NRDE2: variants seen among roughly 807,000 people sequenced by gnomAD.
The protein encoded by NRDE2 is nuclear exosome regulator NRDE2.
NRDE2 carries 76 observed loss-of-function variants against 124.2 expected under a neutral mutation model. The ratio of observed to expected loss-of-function variants is 0.61; its 90% confidence interval spans 0.51 to 0.74. The LOEUF is 0.74. NRDE2 is among the 30% of genes least tolerant of loss of function. NRDE2 has a pLI of 0.00. For synonymous variants in NRDE2, 489 were observed against 528.1 expected, an observed-to-expected ratio of 0.93 and a Z score of 1.01; for missense variants, 1,314 against 1,417.3, an observed-to-expected ratio of 0.93 and a Z score of 1.17.
Position 90,302,999 on chromosome 14 carries a change from G to T in NRDE2, c.1132C>A (p.Gln378Lys). The T allele has an allele frequency of 6.2e-7, 1 of 1,614,016 alleles. No individual in the cohort carries two copies. The highest frequency in any genetic ancestry group is 8.5e-7 in the Non-Finnish European group (1 of 1,180,042). The change falls in exon 6 of 14, where the codon CAG (glutamine) becomes AAG (lysine). Residue 378 changes from glutamine to lysine, a missense_variant. Physicochemically the swap from Gln to Lys is moderately conservative, Grantham distance 53 (BLOSUM62 1). Transcript: ENST00000354366. Reference protein sequence around the residue: ...AILERAIESNQSSVDLKLAKL... With the variant: ...AILERAIESNKSSVDLKLAKL... ...GCCAGTTTCAGATCCACACTGCTCT[G>T]GTTGCTCTCAATGGCCCGCTCCAGA...
chr14:90,272,082 T>G lies in NRDE2; in HGVS notation c.*6254A>C. 2.3e-6 allele frequency: 1 copy of G among 438,022 alleles called. No individual in the cohort carries two copies. The highest frequency in any genetic ancestry group is 4.2e-6 in the Non-Finnish European group (1 of 239,190). The allele number at this position is 438,022 out of a possible 1,614,324, so 27.1% of individuals were successfully genotyped here. A position where few individuals can be genotyped will look rare whatever the true frequency, so the allele number is the denominator to read the frequency against. ...TAACTTTTTGTATTTTTAGTAGAGA[T>G]GGGGTTTCACCGTGTTGGCCAGGCT... On this transcript the variant is annotated 3_prime_UTR_variant, in exon 14 of 14. Coordinates refer to ENST00000354366, the MANE Select transcript of NRDE2 (RefSeq NM_017970.4). This position sits in a 1 kb window ranked among gnomAD's most constrained non-coding sequence, Gnocchi z 4.5.
intron 11 of NRDE2, among the ~76,000 whole-genome samples, chr14:90,287,377 G>C (rs1343523511): frequency 1.3e-5 from 2 of 152,098 alleles, no homozygotes; most frequent in African/African-American, 4.8e-5. Flanking sequence ...CAGCACTTTG[G>C]AAGGCTGAGA....
Position 90,304,259 on chromosome 14 carries a change from C to T in NRDE2, c.681G>A (p.Lys227=). ...CATCGATGTTCATTAATCCCACACTCTTCTTAGTAAAATAGCGTTCAACCT... is the reference window on the plus strand; with the variant it reads ...CATCGATGTTCATTAATCCCACACTTTTCTTAGTAAAATAGCGTTCAACCT... The part of the protein sequence containing the change: ...RKQVERYFTK[K]SVGLMNIDGV... Residue 227 remains lysine, a synonymous_variant, in exon 5 of 14, where the codon AAG becomes AAA. Transcript: ENST00000354366. 6.2e-7 allele frequency: 1 copy of T among 1,614,174 alleles called. No individual in the cohort carries two copies. Among genetic ancestry groups the T allele is most frequent in the South Asian group, 1.1e-5 (1 of 91,078 alleles).
At chr14:90,279,409 T>G (rs747907986) in intron 12 of NRDE2, 9 of 364,418 alleles carry the variant, frequency 2.5e-5, no homozygotes, top group Non-Finnish European at 4.0e-5. Flanking sequence ...ATCTCCTCCT[T>G]TGCTGTAGGC....
chr14:90,268,169 G>C lies in NRDE2; in HGVS notation c.*10167C>G. 7.0e-7 allele frequency: 1 copy of C among 1,427,924 alleles called. No individual in the cohort carries two copies. Among genetic ancestry groups the C allele is most frequent in the Non-Finnish European group, 9.3e-7 (1 of 1,076,106 alleles). 88.5% of individuals were successfully genotyped at this position (1,427,924 alleles called of 1,614,324 possible). A position where few individuals can be genotyped will look rare whatever the true frequency, so the allele number is the denominator to read the frequency against. On this transcript the variant is annotated 3_prime_UTR_variant, in exon 14 of 14. Transcript: ENST00000354366. ...AGGTGGTAATGATACGAGTTTTTAA[G>C]TTAAAATGGCACTTAAGGTGTCTTT...
At chr14:90,280,145 T>TA (rs1031609059) in intron 12 of NRDE2, 3 of 152,230 alleles carry the variant, frequency 2.0e-5, no homozygotes, top group Admixed American at 2.0e-4. Flanking sequence ...TTTCACTGTC[T>TA]ATGTTGCCCA....
chr14:90,331,514 T>C (rs191719076), intron 1 of NRDE2, among the ~76,000 whole-genome samples: 1 of 152,340 alleles, frequency 6.6e-6, no homozygotes, highest in East Asian at 1.9e-4. Flanking sequence ...CCTCGAGATG[T>C]CGAGTATCAT....
chr14:90,296,079 TTTA>T (rs1327806488), intron 8 of NRDE2, among the ~76,000 whole-genome samples: 5 of 152,222 alleles, frequency 3.3e-5, no homozygotes, highest in African/African-American at 7.2e-5. Flanking sequence ...CTATGAAAAC[TTTA>T]TTGTCACAGA....
intron 11 of NRDE2, among the ~76,000 whole-genome samples, 166 bp downstream of exon 11, chr14:90,288,051 T>A (rs1892155186): frequency 6.6e-6 from 1 of 152,240 alleles, no homozygotes; most frequent in South Asian, 2.1e-4. Flanking sequence ...TGTGTCTCGC[T>A]TGCCTTTCAA....
Position 90,288,316 on chromosome 14 carries a change from A to T in NRDE2, c.3059T>A (p.Phe1020Tyr). 2.5e-6 allele frequency: 4 copies of T among 1,614,164 alleles called. No individual in the cohort carries two copies. The South Asian group carries it at 3.3e-5, about 13-fold the overall frequency. ...KSHSASKTRR[F>Y]FDTITRSAKP... ...GGCAGACCTGGTGATTGTGTCAAAAAATCTCCTGGTTTTGCTGGCACTGTG... is the reference window on the plus strand; with the variant it reads ...GGCAGACCTGGTGATTGTGTCAAAATATCTCCTGGTTTTGCTGGCACTGTG... The change falls in exon 11 of 14, where the codon TTT (phenylalanine) becomes TAT (tyrosine). Residue 1020 changes from phenylalanine to tyrosine, a missense_variant. By Grantham distance (22) the Phe-to-Tyr change is conservative. Coordinates refer to ENST00000354366, the MANE Select transcript of NRDE2 (RefSeq NM_017970.4).
In NRDE2 at chr14:90,290,231, T is replaced by G; in HGVS notation, c.2219A>C (p.Glu740Ala). 6.2e-7 allele frequency: 1 copy of G among 1,613,596 alleles called. No homozygotes were observed. The highest frequency in any genetic ancestry group is 8.5e-7 in the Non-Finnish European group (1 of 1,179,676). ...SQLCFSWLQY[E>A]IAKVIWCLHT... is the part of the protein sequence containing the mutation. ...CGAGTCTGGAATTACCTTTGCAATCTCATACTGTAACCAGGAGAAGCAGAG... is the reference window on the plus strand; with the variant it reads ...CGAGTCTGGAATTACCTTTGCAATCGCATACTGTAACCAGGAGAAGCAGAG... The change falls in exon 10 of 14, where the codon GAG (glutamate) becomes GCG (alanine). Residue 740 changes from glutamate to alanine, a missense_variant. By Grantham distance (107) the Glu-to-Ala change is moderately radical. Transcript: ENST00000354366.
chr14:90,322,744 A>T (rs1885286389), intron 1 of NRDE2, among the ~76,000 whole-genome samples: 1 of 152,242 alleles, frequency 6.6e-6, no homozygotes, highest in Non-Finnish European at 1.5e-5. Flanking sequence ...TGTCAAATAA[A>T]AACTTGCATT....
intron 2 of NRDE2, among the ~76,000 whole-genome samples, 187 bp from the exon 3 acceptor site, chr14:90,316,998 T>C (rs988312459): frequency 3.9e-5 from 6 of 152,242 alleles, no homozygotes; most frequent in African/African-American, 1.4e-4. Context: ...GAATTGGATC[T>C]AAAATAATAA....
intron 1 of NRDE2, among the ~76,000 whole-genome samples, chr14:90,327,699 A>G (rs796545751): frequency 6.6e-6 from 1 of 152,340 alleles, no homozygotes; most frequent in African/African-American, 2.4e-5. Flanking sequence ...TCTGAAACTA[A>G]CGAAAGGAAT....
At chr14:90,324,867 C>T (rs960550706) in intron 1 of NRDE2, among the ~76,000 whole-genome samples, 1 of 152,134 alleles carries the variant, frequency 6.6e-6, no homozygotes, top group African/African-American at 2.4e-5. Flanking sequence ...GGCATTTAAA[C>T]CAGTGAATGG....
intron 2 of NRDE2, among the ~76,000 whole-genome samples, chr14:90,317,151 C>T (rs994669359): frequency 3.3e-5 from 5 of 152,060 alleles, no homozygotes; most frequent in African/African-American, 1.2e-4. Context: ...TTACTCATGC[C>T]TATAATCCTA....
intron 1 of NRDE2, among the ~76,000 whole-genome samples, chr14:90,330,649 A>C (rs939023853): frequency 6.6e-6 from 1 of 152,056 alleles, no homozygotes; most frequent in Admixed American, 6.5e-5. Flanking sequence ...CGTCTCTACT[A>C]AATATTAAAA....
intron 1 of NRDE2, among the ~76,000 whole-genome samples, chr14:90,330,807 C>A (rs1232422558): frequency 6.1e-4 from 75 of 123,090 alleles, no homozygotes; most frequent in African/African-American, 2.0e-3. Flanking sequence ...GACCCTGTCT[C>A]AAAAAAAAAA....
In NRDE2 at chr14:90,268,505, A is replaced by G. The variant is rs1002277199; in HGVS notation, c.*9831T>C. ...TGAGCAATCTCAGGGGGCTCTCCCT[A>G]TGGCCACAGTTCTTGCTGTGCGTGG... On this transcript the variant is annotated 3_prime_UTR_variant, in exon 14 of 14. Transcript: ENST00000354366. 2 of 1,277,186 alleles carry G rather than the reference A, an allele frequency of 1.6e-6. No individual in the cohort carries two copies. Among genetic ancestry groups the G allele is most frequent in the African/African-American group, 3.0e-5 (2 of 67,592 alleles). The allele number at this position is 1,277,186 out of a possible 1,614,324, so 79.1% of individuals were successfully genotyped here.
Sources: gnomAD v4.1 joint callset for allele counts (sites outside exome capture counted in the v4.1 genomes callset) on GRCh38, gnomAD v4.1.1 for gene constraint, Gnocchi (gnomAD v3.1) non-coding constraint, MANE v1.5 for transcripts, NCBI Gene and HGNC (gene_info 2026-07-23, HGNC 2026-07-21) for gene names.